Variants in FHIP1A observed in about 807,000 individuals in gnomAD.
FHIP1A encodes the protein FHF complex subunit HOOK-interacting protein 1A.
Under a neutral mutation model 88.6 loss-of-function variants are expected in FHIP1A, and 61 were observed. That is an observed-to-expected ratio of 0.69 (90% CI 0.56 to 0.85). The LOEUF (loss-of-function observed/expected upper bound fraction) is 0.85, where lower values mean the gene tolerates loss of function less well. Ranked by LOEUF, FHIP1A falls within the 40% of genes least tolerant of loss-of-function variation. The pLI, the probability that FHIP1A is intolerant of heterozygous loss-of-function variation, is 0.00. For missense variants in FHIP1A, 1,154 were observed against 1,273.5 expected (o/e 0.91, Z 1.43); for synonymous variants, 478 against 496.0 (o/e 0.96, Z 0.48).
chr4:151,634,322 A>C (rs183624093), intron 8 of FHIP1A, among the ~76,000 whole-genome samples: 4 of 152,004 alleles, frequency 2.6e-5, no homozygotes, highest in Non-Finnish European at 4.4e-5. Flanking sequence ...TTTCATTAAA[A>C]TGGCCATATT....
chr4:151,597,322 C>T (rs1250483729), intron 7 of FHIP1A, among the ~76,000 whole-genome samples: 1 of 152,186 alleles, frequency 6.6e-6, no homozygotes, highest in Non-Finnish European at 1.5e-5. Context: ...TGGAGGTCCT[C>T]TCCAGACCCT....
intron 3 of FHIP1A, among the ~76,000 whole-genome samples, chr4:151,542,829 CT>C (rs1732347544): frequency 6.6e-6 from 1 of 152,204 alleles, no homozygotes. Context: ...AGATCAAATG[CT>C]GGTTCAGCCA....
At chr4:151,616,544 G>T (rs1213821564) in intron 7 of FHIP1A, among the ~76,000 whole-genome samples, 6 of 150,262 alleles carry the variant, frequency 4.0e-5, no homozygotes, top group Non-Finnish European at 5.9e-5. Context: ...CGCCTCCCGG[G>T]TTCACGCCAT....
At chr4:151,416,503 A>G (rs1198219815) in intron 1 of FHIP1A, among the ~76,000 whole-genome samples, 1 of 152,164 alleles carries the variant, frequency 6.6e-6, no homozygotes, top group Non-Finnish European at 1.5e-5. Flanking sequence ...ATATATGCAC[A>G]TATGTATTGT....
intron 4 of FHIP1A, chr4:151,576,828 T>C (rs1733808705): frequency 6.6e-6 from 1 of 152,270 alleles, no homozygotes; most frequent in African/African-American, 2.4e-5. Flanking sequence ...AGGGAGGATA[T>C]TGTTCTGTCA....
At chr4:151,623,676 T>G (rs781301183) in intron 7 of FHIP1A, among the ~76,000 whole-genome samples, 12 of 152,152 alleles carry the variant, frequency 7.9e-5, no homozygotes, top group Admixed American at 7.2e-4. Flanking sequence ...AGATATTGAT[T>G]ATCCCCATTT....
intron 1 of FHIP1A, among the ~76,000 whole-genome samples, chr4:151,419,581 T>A (rs1383837899): frequency 5.1e-5 from 2 of 39,378 alleles, no homozygotes; most frequent in Non-Finnish European, 1.1e-4. Context: ...TTTTTTTTTT[T>A]TTTTTTTTTT....
chr4:151,556,542 A>G (rs1177227128), intron 3 of FHIP1A, among the ~76,000 whole-genome samples: 3 of 152,224 alleles, frequency 2.0e-5, no homozygotes, highest in Admixed American at 2.0e-4. Flanking sequence ...AGCAGGAAAT[A>G]TAATTTACTT....
At chr4:151,622,616 C>CT (rs533952028) in intron 7 of FHIP1A, among the ~76,000 whole-genome samples, 62 of 152,118 alleles carry the variant, frequency 4.1e-4, no homozygotes, top group African/African-American at 1.4e-3. Context: ...TTCGAATAGT[C>CT]CTTAGTTGCA....
rs1230743874 is a variant in FHIP1A, at chr4:151,577,659, C to G, written c.315C>G (p.Ser105Arg). 1.9e-6 allele frequency: 3 copies of G among 1,551,504 alleles called. No homozygotes were observed. The highest frequency in any genetic ancestry group is 2.6e-6 in the Non-Finnish European group (3 of 1,146,962). The change falls in exon 5 of 14, where the codon AGC (serine) becomes AGG (arginine). Residue 105 changes from serine to arginine, a missense_variant. Ser to Arg is a moderately radical substitution (Grantham distance 110). Coordinates refer to ENST00000435205, the MANE Select transcript of FHIP1A (RefSeq NM_001109977.3). ...TCATGGAGAAACTTTTCCTTTGGAG[C>G]TTGAGAAGGGAGTTTACTGATGAGA... ...ENIMEKLFLWSLRREFTDETK... is the reference protein window; with the variant it reads ...ENIMEKLFLWRLRREFTDETK...
rs1251803452 is a variant in FHIP1A, at chr4:151,466,636, T to C, written c.-248+11828T>C. 4.6e-5 allele frequency among the ~76,000 whole-genome samples: 7 copies of C among 152,060 alleles called. No individual in the cohort carries two copies. The East Asian group carries it at 9.7e-4, about 21-fold the overall frequency. ...CTGTACTGGTACCAAAACAGACATA[T>C]AGACTAATGGAACAGTACAGAGACC... On this transcript the variant is annotated intron_variant, in intron 2 of 13. Coordinates refer to ENST00000435205, the MANE Select transcript of FHIP1A (RefSeq NM_001109977.3).
chr4:151,464,261 G>A (rs1729233611), intron 2 of FHIP1A, among the ~76,000 whole-genome samples: 1 of 152,096 alleles, frequency 6.6e-6, no homozygotes, highest in South Asian at 2.1e-4. Context: ...AGAAATGGAG[G>A]GACTCCTAGA....
intron 7 of FHIP1A, among the ~76,000 whole-genome samples, chr4:151,614,425 C>T (rs1467037319): frequency 2.0e-5 from 3 of 150,164 alleles, no homozygotes; most frequent in Admixed American, 6.6e-5. Context: ...GCGGTGATCA[C>T]GCCACTGTAC....
At chr4:151,561,354 A>C (rs781614797) in intron 3 of FHIP1A, among the ~76,000 whole-genome samples, 2 of 152,174 alleles carry the variant, frequency 1.3e-5, no homozygotes, top group African/African-American at 2.4e-5. Flanking sequence ...GGGGGCTATT[A>C]GATGCTTGCT....
chr4:151,470,104 G>A (rs1339235995), intron 2 of FHIP1A, among the ~76,000 whole-genome samples: 1 of 152,172 alleles, frequency 6.6e-6, no homozygotes, highest in Non-Finnish European at 1.5e-5. Context: ...CTCAAGAATT[G>A]TGCTCTGCAT....
rs977471557 is a variant in FHIP1A at position 151,663,376 on chromosome 4, T to A, written c.*622T>A. 6 of 152,342 alleles carry A rather than the reference T, an allele frequency of 3.9e-5. No individual in the cohort carries two copies. The East Asian group carries it at 1.2e-3, about 29-fold the overall frequency. The allele number at this position is 152,342 out of a possible 1,614,324, so 9.4% of individuals were successfully genotyped here. ...AGCTATCTGCCTGGGAAGTCGGATG[T>A]CCTTGGAGAGAATTTGGAATGCAGA... On this transcript the variant is annotated 3_prime_UTR_variant, in exon 14 of 14. Transcript: ENST00000435205.
intron 3 of FHIP1A, among the ~76,000 whole-genome samples, chr4:151,547,430 G>A (rs968029550): frequency 2.0e-5 from 3 of 152,068 alleles, no homozygotes; most frequent in Admixed American, 6.5e-5. Flanking sequence ...CCAAAAAAAC[G>A]TTCTGTGGAA....
intron 1 of FHIP1A, among the ~76,000 whole-genome samples, chr4:151,421,512 C>A (rs754422084): frequency 1.3e-5 from 2 of 152,054 alleles, no homozygotes; most frequent in Non-Finnish European, 2.9e-5. Context: ...TGGTTAGTGT[C>A]TTTTGTTTAT....
intron 3 of FHIP1A, among the ~76,000 whole-genome samples, chr4:151,524,321 G>A (rs1286514279): frequency 1.3e-5 from 2 of 150,792 alleles, no homozygotes; most frequent in African/African-American, 4.9e-5. Flanking sequence ...AAAAAAAGTT[G>A]TTACTTAATC....
Sources: gnomAD v4.1 joint callset for allele counts (sites outside exome capture counted in the v4.1 genomes callset) on GRCh38, gnomAD v4.1.1 for gene constraint, MANE v1.5 for transcripts, NCBI Gene and HGNC (gene_info 2026-07-23, HGNC 2026-07-21) for gene names.